The following PCDHGA7 variants were observed in gnomAD, a reference collection of about 807,000 sequenced individuals.
The protein encoded by PCDHGA7 is protocadherin gamma subfamily A, 7, also known as protocadherin gamma-A7.
PCDHGA7 carries 44 observed loss-of-function variants against 58.3 expected under a neutral mutation model. The ratio of observed to expected loss-of-function variants is 0.75; its 90% CI spans 0.59 to 0.97. The LOEUF (loss-of-function observed/expected upper bound fraction) is 0.97, where lower values mean the gene tolerates loss of function less well. Among genes scored for constraint, PCDHGA7 ranks in the 50% least tolerant of loss-of-function variants. The probability of loss-of-function intolerance (pLI) is 0.00; values close to 1 mark genes in which losing one functional copy is unlikely to be tolerated. For synonymous variants in PCDHGA7, 516 were observed against 504.2 expected, an observed-to-expected ratio of 1.02 and a Z score of -0.31; for missense variants, 1,266 against 1,188.7, an observed-to-expected ratio of 1.06 and a Z score of -0.96.
intron 1 of PCDHGA7, among the ~76,000 whole-genome samples, chr5:141,437,771 A>G (rs971065583): frequency 7.9e-5 from 12 of 151,238 alleles, no homozygotes; most frequent in Admixed American, 6.6e-5. Context: ...CAGAGTCTCA[A>G]TCTGTCGCCA....
At chr5:141,397,255 T>C (rs1471539186) in intron 1 of PCDHGA7, among the ~76,000 whole-genome samples, 2 of 152,214 alleles carry the variant, frequency 1.3e-5, no homozygotes, top group Admixed American at 6.5e-5. Flanking sequence ...GGGTATATCA[T>C]TTCTTAGCTA....
chr5:141,414,981 C>G (rs766434004), intron 1 of PCDHGA7: 12 of 1,613,722 alleles, frequency 7.4e-6, no homozygotes, highest in East Asian at 6.7e-5. Flanking sequence ...ACAGAGACTC[C>G]GGCCAGAACG....
intron 1 of PCDHGA7, among the ~76,000 whole-genome samples, chr5:141,450,976 C>T (rs2098702750): frequency 6.6e-6 from 1 of 152,032 alleles, no homozygotes; most frequent in Admixed American, 6.6e-5. Flanking sequence ...AGGCATGTGC[C>T]ACCACACCCG....
At chr5:141,414,945 C>G in intron 1 of PCDHGA7, 2 of 1,614,098 alleles carry the variant, frequency 1.2e-6, no homozygotes, top group Non-Finnish European at 8.5e-7. Flanking sequence ...AGCCCGGCTA[C>G]CTGGTGACCA....
At position 141,491,809 on chromosome 5, in the gene PCDHGA7, C is replaced by A. The variant is rs1421763758; in HGVS notation, c.2425-2998C>A. The A allele has an allele frequency of 6.7e-7, 1 of 1,487,044 alleles. No homozygotes were observed. The highest frequency in any genetic ancestry group is 1.4e-5 in the South Asian group (1 of 72,986). The allele number at this position is 1,487,044 out of a possible 1,614,324, so 92.1% of individuals were successfully genotyped here. On this transcript the variant is annotated intron_variant, in intron 1 of 3. Coordinates refer to ENST00000518325, the MANE Select transcript of PCDHGA7 (RefSeq NM_018920.4). This position sits in a 1 kb window ranked among gnomAD's most constrained non-coding sequence, Gnocchi z 6.9. Reference sequence around the variant, plus strand: ...TCCACTCCTCTCCGGCCGGCTTGGTCGCTGGCTGCGCTCCACCCGATTCTC... The same window carrying A: ...TCCACTCCTCTCCGGCCGGCTTGGTAGCTGGCTGCGCTCCACCCGATTCTC...
intron 1 of PCDHGA7, chr5:141,398,029 G>C (rs1363038637): frequency 2.7e-6 from 4 of 1,458,540 alleles, no homozygotes; most frequent in Non-Finnish European, 3.7e-6. Flanking sequence ...ACTGGAACTG[G>C]AACTAAAGCC....
At chr5:141,466,545 T>C (rs2099124777) in intron 1 of PCDHGA7, among the ~76,000 whole-genome samples, 1 of 152,216 alleles carries the variant, frequency 6.6e-6, no homozygotes. Flanking sequence ...AGATGGTCTT[T>C]TGCTGTGGGC....
Position 141,490,320 on chromosome 5 carries a change from A to G in PCDHGA7, c.2425-4487A>G. The G allele has an allele frequency of 6.2e-7, 1 of 1,614,228 alleles. No individual in the cohort carries two copies. The highest frequency in any genetic ancestry group is 1.1e-5 in the South Asian group (1 of 91,088). ...TGGCCTCTTTGGCCAACCCTGTCCT[A>G]GAGAGCACACCAGTGGGCACAGTAG... On this transcript the variant is annotated intron_variant, in intron 1 of 3. Transcript: ENST00000518325. The surrounding 1 kb of genome is among the most constrained non-coding windows in gnomAD (Gnocchi z 5.4).
At position 141,389,227 on chromosome 5, in the gene PCDHGA7, C is replaced by T. The variant is rs1412412051; in HGVS notation, c.2424+3904C>T. On this transcript the variant is annotated intron_variant, in intron 1 of 3. Transcript: ENST00000518325. ...ATTGGTGATGTAAATGACAACGCTC[C>T]GGTTTTCTCACAGTCTTCCTATATA... 35 of 1,614,024 alleles carry T rather than the reference C, an allele frequency of 2.2e-5. No homozygotes were observed. Among genetic ancestry groups the T allele is most frequent in the Non-Finnish European group, 2.8e-5 (33 of 1,179,882 alleles).
intron 1 of PCDHGA7, among the ~76,000 whole-genome samples, chr5:141,447,863 A>G (rs553375129): frequency 6.6e-6 from 1 of 152,254 alleles, no homozygotes; most frequent in East Asian, 1.9e-4. Flanking sequence ...AGGTGGGTGA[A>G]TCATCTGAGG....
rs2099610288 is a variant in PCDHGA7, at chr5:141,485,252, G to A, written c.2425-9555G>A. ...GTTCCTCTTTTACCACCTGGGTTAC[G>A]TTTGTGGGCAGATCCGCTACCCGGT... On this transcript the variant is annotated intron_variant, in intron 1 of 3. Coordinates refer to ENST00000518325, the MANE Select transcript of PCDHGA7 (RefSeq NM_018920.4). This position sits in a 1 kb window ranked among gnomAD's most constrained non-coding sequence, Gnocchi z 5.7. 6.2e-7 allele frequency: 1 copy of A among 1,614,042 alleles called. No individual in the cohort carries two copies. The highest frequency in any genetic ancestry group is 1.7e-5 in the Admixed American group (1 of 60,008).
chr5:141,404,928 C>A lies in PCDHGA7; in HGVS notation c.2424+19605C>A, dbSNP rs145718404. The stretch of plus-strand genomic sequence containing the variant: ...CAGCCCCCTCTCTCGGCCACTGTCA[C>A]GCTCACAGTAGCCATAGCTGACAGC... On this transcript the variant is annotated intron_variant, in intron 1 of 3. Coordinates refer to ENST00000518325, the MANE Select transcript of PCDHGA7 (RefSeq NM_018920.4). The A allele has an allele frequency of 1.9e-6, 3 of 1,613,866 alleles. No individual in the cohort carries two copies. In the South Asian group the frequency reaches 3.3e-5, roughly 18 times the overall value.
chr5:141,478,106 G>A (rs1474192496), intron 1 of PCDHGA7: 1 of 1,613,928 alleles, frequency 6.2e-7, no homozygotes, highest in Non-Finnish European at 8.5e-7. Context: ...TACCCTCACT[G>A]TGTCAGTAAC....
At chr5:141,404,593 A>G in intron 1 of PCDHGA7, 1 of 1,614,080 alleles carries the variant, frequency 6.2e-7, no homozygotes, top group Non-Finnish European at 8.5e-7. Context: ...GCAATGTGTC[A>G]TTGAGACTGT....
intron 1 of PCDHGA7, chr5:141,478,776 A>T: frequency 1.3e-6 from 2 of 1,488,808 alleles, no homozygotes; most frequent in Non-Finnish European, 1.8e-6. Context: ...TCATCTGTGG[A>T]CCTAATTCAC....
Position 141,432,473 on chromosome 5 carries a change from T to G in PCDHGA7, c.2424+47150T>G. On this transcript the variant is annotated intron_variant, in intron 1 of 3. Coordinates refer to ENST00000518325, the MANE Select transcript of PCDHGA7 (RefSeq NM_018920.4). The surrounding 1 kb of genome is among the most constrained non-coding windows in gnomAD (Gnocchi z 6.0). ...GTACCCCGCCCTCCCCACGGACGGT[T>G]CCACTGGCGTGGAGCTGGCTCCCCG... 1 of 1,614,180 alleles carries G rather than the reference T, an allele frequency of 6.2e-7. No individual in the cohort carries two copies. The highest frequency in any genetic ancestry group is 1.1e-5 in the South Asian group (1 of 91,078).
rs184860941 is a variant in PCDHGA7, at chr5:141,386,661, G to A, written c.2424+1338G>A. On this transcript the variant is annotated intron_variant, in intron 1 of 3. Coordinates refer to ENST00000518325, the MANE Select transcript of PCDHGA7 (RefSeq NM_018920.4). ...CTGGATACATTTTACAAGTTCTGCA[G>A]TGTTCACATTTCAGATGTACAATCA... Among the ~76,000 whole-genome samples the A allele has an allele frequency of 2.0e-4, 31 of 152,110 alleles. No individual in the cohort carries two copies. In the East Asian group the frequency reaches 3.5e-3, roughly 17 times the overall value.
intron 1 of PCDHGA7, chr5:141,471,535 T>C (rs553186728): frequency 6.6e-6 from 1 of 152,368 alleles, no homozygotes; most frequent in African/African-American, 2.4e-5. Context: ...GAAGCTATGA[T>C]AGCATTTAAG....
At position 141,404,694 on chromosome 5, in the gene PCDHGA7, C is replaced by T. The variant is rs749803871; in HGVS notation, c.2424+19371C>T. 10 of 1,614,116 alleles carry T rather than the reference C, an allele frequency of 6.2e-6. No homozygotes were observed. The East Asian group carries it at 2.0e-4, about 32-fold the overall frequency. ...ACTGGTGTGGAGCTGGCACCCCGCT[C>T]TGCAGAGCCTGGCTACCTGGTGACC... On this transcript the variant is annotated intron_variant, in intron 1 of 3. Coordinates refer to ENST00000518325, the MANE Select transcript of PCDHGA7 (RefSeq NM_018920.4).
Sources: allele counts gnomAD v4.1 joint callset (sites outside exome capture counted in the v4.1 genomes callset), GRCh38; gene constraint gnomAD v4.1.1; non-coding constraint Gnocchi (gnomAD v3.1); transcripts MANE v1.5; gene names NCBI Gene and HGNC (gene_info 2026-07-23, HGNC 2026-07-21).